TMTC2: variants seen among roughly 807,000 people sequenced by gnomAD.
TMTC2 encodes protein O-mannosyl-transferase TMTC2.
TMTC2 carries 43 observed loss-of-function variants against 82.4 expected under a neutral mutation model. The observed-to-expected ratio is 0.52, with a 90% CI of 0.41 to 0.67. The LOEUF is 0.67. Among genes scored for constraint, TMTC2 ranks in the 30% least tolerant of loss-of-function variants. The pLI is 0.00. For missense variants in TMTC2, 919 were observed against 1,012.4 expected, an observed-to-expected ratio of 0.91 and a Z score of 1.25; for synonymous variants, 408 against 381.9, an observed-to-expected ratio of 1.07 and a Z score of -0.80.
chr12:82,979,356 A>T (rs1239130405), intron 7 of TMTC2, among the ~76,000 whole-genome samples: 2 of 151,428 alleles, frequency 1.3e-5, no homozygotes, highest in Non-Finnish European at 3.0e-5. Context: ...TTTTAGTTTA[A>T]GGTTATAATG....
At chr12:82,766,106 C>T (rs1233298029) in intron 1 of TMTC2, among the ~76,000 whole-genome samples, 1 of 152,148 alleles carries the variant, frequency 6.6e-6, no homozygotes, top group South Asian at 2.1e-4. Flanking sequence ...ATCCTAAAGG[C>T]TTGGAAGTTT....
At chr12:83,046,416 G>A (rs368319599) in intron 9 of TMTC2, among the ~76,000 whole-genome samples, 9 of 152,256 alleles carry the variant, frequency 5.9e-5, no homozygotes, top group East Asian at 1.9e-4. Flanking sequence ...GAAATTCTGC[G>A]GTTGGTGCCT....
In TMTC2 at chr12:82,986,109, G is replaced by A. The variant is rs750731293; in HGVS notation, c.2070+63G>A. 1.1e-5 allele frequency: 17 copies of A among 1,609,250 alleles called. 1 individual carries two copies. The South Asian group carries it at 1.9e-4, about 18-fold the overall frequency. The stretch of plus-strand genomic sequence containing the variant: ...TTCTCCATGCAGACCGGGATAGATG[G>A]GTTTGAGGTACTGTTTTACAGCCAG... On this transcript the variant is annotated intron_variant, in intron 8 of 11. Transcript: ENST00000321196.
chr12:82,767,022 G>A (rs1877003347), intron 1 of TMTC2, among the ~76,000 whole-genome samples: 1 of 152,010 alleles, frequency 6.6e-6, no homozygotes, highest in Non-Finnish European at 1.5e-5. Flanking sequence ...ATTGACAATA[G>A]CTTTTTTTTC....
intron 1 of TMTC2, among the ~76,000 whole-genome samples, chr12:82,845,252 A>ATATATATAT (rs59603524): frequency 7.7e-5 from 3 of 38,808 alleles, no homozygotes; most frequent in African/African-American, 3.1e-4. Context: ...AAAAAAAAAA[A>ATATATATAT]ATATATATAT....
intron 1 of TMTC2, among the ~76,000 whole-genome samples, chr12:82,848,064 G>A (rs763214962): frequency 1.3e-5 from 2 of 152,126 alleles, no homozygotes; most frequent in Non-Finnish European, 2.9e-5. Context: ...ATATTGGGGA[G>A]ATGAAGTTTC....
At chr12:82,774,285 A>G (rs1877469672) in intron 1 of TMTC2, among the ~76,000 whole-genome samples, 1 of 152,158 alleles carries the variant, frequency 6.6e-6, no homozygotes, top group Non-Finnish European at 1.5e-5. Flanking sequence ...CCAAAATAAC[A>G]GTGACATCAA....
At chr12:82,934,382 C>A (rs1053336673) in intron 4 of TMTC2, among the ~76,000 whole-genome samples, 1 of 151,954 alleles carries the variant, frequency 6.6e-6, no homozygotes, top group African/African-American at 2.4e-5. Context: ...CTCCCCTAGC[C>A]CCCCACCCCT....
intron 1 of TMTC2, among the ~76,000 whole-genome samples, chr12:82,719,156 C>T (rs959615893): frequency 4.6e-5 from 6 of 130,106 alleles, no homozygotes; most frequent in East Asian, 2.4e-4. Flanking sequence ...TGCAGAGGCA[C>T]GATCTCAGCT....
At chr12:83,108,908 T>C (rs1221600894) in intron 11 of TMTC2, among the ~76,000 whole-genome samples, 1 of 152,210 alleles carries the variant, frequency 6.6e-6, no homozygotes, top group Admixed American at 6.5e-5. Flanking sequence ...GAAATTGTAT[T>C]ATTTTCTTCC....
At chr12:82,897,877 T>G (rs1873760899) in intron 3 of TMTC2, among the ~76,000 whole-genome samples, 1 of 152,118 alleles carries the variant, frequency 6.6e-6, no homozygotes, top group Non-Finnish European at 1.5e-5. Flanking sequence ...ACTGGCATTT[T>G]TCTACTCTTT....
intron 1 of TMTC2, among the ~76,000 whole-genome samples, chr12:82,837,615 T>C (rs1483714677): frequency 6.6e-6 from 1 of 152,192 alleles, no homozygotes; most frequent in African/African-American, 2.4e-5. Context: ...CTGTAAAGGC[T>C]TTTGGTCGAT....
intron 1 of TMTC2, among the ~76,000 whole-genome samples, chr12:82,806,239 C>T (rs193066821): frequency 9.9e-5 from 15 of 152,210 alleles, no homozygotes; most frequent in Admixed American, 9.2e-4. Context: ...TTTCTGCCAA[C>T]TCTGACAGCA....
At chr12:82,740,601 C>A (rs924835913) in intron 1 of TMTC2, among the ~76,000 whole-genome samples, 6 of 152,186 alleles carry the variant, frequency 3.9e-5, no homozygotes, top group African/African-American at 1.2e-4. Context: ...TCATTAGAAC[C>A]TTCCCTGCTG....
intron 7 of TMTC2, among the ~76,000 whole-genome samples, chr12:82,974,166 C>T (rs1000489854): frequency 1.7e-4 from 26 of 151,988 alleles, no homozygotes; most frequent in Non-Finnish European, 7.4e-5. Flanking sequence ...CCCAGGAGTT[C>T]GAGACCAGCC....
At chr12:82,850,804 G>A (rs951071900) in intron 1 of TMTC2, among the ~76,000 whole-genome samples, 3 of 151,524 alleles carry the variant, frequency 2.0e-5, no homozygotes, top group South Asian at 4.1e-4. Flanking sequence ...AGTGGCTCAC[G>A]CCTGTAATCC....
intron 1 of TMTC2, among the ~76,000 whole-genome samples, chr12:82,832,522 T>G (rs1195187511): frequency 6.6e-6 from 1 of 152,150 alleles, no homozygotes; most frequent in Non-Finnish European, 1.5e-5. Flanking sequence ...TACCTCTATA[T>G]TTTGTCCTGT....
chr12:82,723,088 C>T (rs1874287707), intron 1 of TMTC2, among the ~76,000 whole-genome samples: 1 of 152,180 alleles, frequency 6.6e-6, no homozygotes, highest in Non-Finnish European at 1.5e-5. Context: ...TCATTAGTTA[C>T]ATTTATGCCA....
At chr12:82,755,069 G>A (rs1019162372) in intron 1 of TMTC2, among the ~76,000 whole-genome samples, 15 of 152,234 alleles carry the variant, frequency 9.9e-5, no homozygotes, top group African/African-American at 3.6e-4. Context: ...TGTGTTTGGA[G>A]TACATGCCAA....
Sources: gnomAD v4.1 joint callset for allele counts (sites outside exome capture counted in the v4.1 genomes callset) on GRCh38, gnomAD v4.1.1 for gene constraint, MANE v1.5 for transcripts, NCBI Gene and HGNC (gene_info 2026-07-23, HGNC 2026-07-21) for gene names.